The following AGBL4 variants were observed in gnomAD, a reference collection of about 807,000 sequenced individuals.
AGBL4 encodes the protein AGBL carboxypeptidase 4.
A neutral mutation model predicts 66.4 loss-of-function variants in AGBL4; 58 were observed. The ratio of observed to expected loss-of-function variants is 0.87; its 90% confidence interval spans 0.71 to 1.09. AGBL4 has a LOEUF of 1.09. Among genes scored for constraint, AGBL4 ranks in the 50% least tolerant of loss-of-function variants. The pLI, the probability that AGBL4 is intolerant of heterozygous loss-of-function variation, is 0.00. For synonymous variants in AGBL4, 234 were observed against 222.9 expected (o/e 1.05, Z -0.44); for missense variants, 579 against 631.0 (o/e 0.92, Z 0.88).
At chr1:48,698,653 A>G (rs1646752547) in intron 6 of AGBL4, among the ~76,000 whole-genome samples, 1 of 152,216 alleles carries the variant, frequency 6.6e-6, no homozygotes, top group Non-Finnish European at 1.5e-5. Flanking sequence ...AGGCTCATAC[A>G]GGAGACAAAC....
At chr1:48,854,029 A>T (rs1647090975) in intron 6 of AGBL4, among the ~76,000 whole-genome samples, 1 of 152,186 alleles carries the variant, frequency 6.6e-6, no homozygotes, top group Admixed American at 6.5e-5. Flanking sequence ...CATTACATTT[A>T]CATGTTAATA....
intron 3 of AGBL4, among the ~76,000 whole-genome samples, chr1:49,402,911 T>A (rs1645117879): frequency 6.6e-6 from 1 of 152,210 alleles, no homozygotes; most frequent in African/African-American, 2.4e-5. Context: ...AGCTAACATA[T>A]GGTCTATCCT....
At chr1:48,636,143 A>C (rs1645664399) in intron 8 of AGBL4, among the ~76,000 whole-genome samples, 1 of 152,210 alleles carries the variant, frequency 6.6e-6, no homozygotes, top group African/African-American at 2.4e-5. Context: ...AACAGTTCCC[A>C]GAAGTAGAAT....
At chr1:49,156,500 T>C (rs1646433059) in intron 4 of AGBL4, among the ~76,000 whole-genome samples, 1 of 152,170 alleles carries the variant, frequency 6.6e-6, no homozygotes, top group Admixed American at 6.5e-5. Flanking sequence ...CATGAGGTTT[T>C]CATCAAGCTG....
chr1:48,868,491 C>T (rs1648331096), intron 5 of AGBL4, among the ~76,000 whole-genome samples: 1 of 152,146 alleles, frequency 6.6e-6, no homozygotes, highest in Non-Finnish European at 1.5e-5. Context: ...AAGACATCTT[C>T]ATTAAATGGC....
At chr1:48,676,766 T>G (rs534680801) in intron 6 of AGBL4, among the ~76,000 whole-genome samples, 1 of 152,280 alleles carries the variant, frequency 6.6e-6, no homozygotes, top group East Asian at 1.9e-4. Context: ...TATTTTCTGT[T>G]TCTTAACCCT....
At chr1:49,379,714 T>A (rs1253209934) in intron 3 of AGBL4, among the ~76,000 whole-genome samples, 1 of 152,170 alleles carries the variant, frequency 6.6e-6, no homozygotes, top group Admixed American at 6.6e-5. Context: ...CAGCCTTGCA[T>A]CCCAGGGATG....
intron 3 of AGBL4, among the ~76,000 whole-genome samples, chr1:49,323,980 T>C (rs1645178882): frequency 6.6e-6 from 1 of 152,200 alleles, no homozygotes; most frequent in Admixed American, 6.5e-5. Context: ...TAGTCAAAAC[T>C]GTAATTAATT....
intron 1 of AGBL4, among the ~76,000 whole-genome samples, chr1:49,998,028 T>C (rs1660489242): frequency 6.6e-6 from 1 of 151,624 alleles, no homozygotes; most frequent in Non-Finnish European, 1.5e-5. Context: ...TAAGGTCACA[T>C]CTCACAGAAC....
chr1:49,665,618 G>A (rs1405851032), intron 3 of AGBL4, among the ~76,000 whole-genome samples: 1 of 152,008 alleles, frequency 6.6e-6, no homozygotes, highest in Non-Finnish European at 1.5e-5. Context: ...TCTAAAAAGA[G>A]ACCAAGAAAA....
At chr1:48,538,964 TC>T (rs1644017144) in intron 12 of AGBL4, among the ~76,000 whole-genome samples, 2 of 152,176 alleles carry the variant, frequency 1.3e-5, no homozygotes, top group Middle Eastern at 3.2e-3. Flanking sequence ...CCATGTGATG[TC>T]ACTGTTCTCA....
chr1:48,939,468 A>C (rs1248916952), intron 5 of AGBL4, among the ~76,000 whole-genome samples: 1 of 152,180 alleles, frequency 6.6e-6, no homozygotes, highest in East Asian at 1.9e-4. Flanking sequence ...TAACAAATTC[A>C]ATTTGTTCAA....
chr1:49,736,240 C>T, intron 2 of AGBL4, among the ~76,000 whole-genome samples: 1 of 151,984 alleles, frequency 6.6e-6, no homozygotes, highest in African/African-American at 2.4e-5. Context: ...TAATCAAACA[C>T]TTGAAAGACA....
intron 3 of AGBL4, among the ~76,000 whole-genome samples, chr1:49,383,322 A>G (rs982080470): frequency 2.6e-5 from 4 of 152,202 alleles, no homozygotes; most frequent in Non-Finnish European, 5.9e-5. Flanking sequence ...ATAATATCTC[A>G]TAAGACTGAA....
At chr1:48,825,684 C>G (rs1254919336) in intron 6 of AGBL4, among the ~76,000 whole-genome samples, 1 of 152,110 alleles carries the variant, frequency 6.6e-6, no homozygotes, top group African/African-American at 2.4e-5. Context: ...GGGCATTTTC[C>G]TCAGAAGAAA....
At chr1:49,013,076 C>T (rs1239361973) in intron 5 of AGBL4, among the ~76,000 whole-genome samples, 3 of 152,162 alleles carry the variant, frequency 2.0e-5, no homozygotes, top group Non-Finnish European at 4.4e-5. Context: ...GGTGCCATGC[C>T]CCTGGGCTTC....
At chr1:49,739,084 G>T (rs1225277512) in intron 2 of AGBL4, among the ~76,000 whole-genome samples, 1 of 152,138 alleles carries the variant, frequency 6.6e-6, no homozygotes, top group Admixed American at 6.5e-5. Context: ...AGAGAAGAAG[G>T]CTTCAGACGA....
At chr1:49,979,018 A>G (rs1658825394) in intron 1 of AGBL4, among the ~76,000 whole-genome samples, 1 of 152,226 alleles carries the variant, frequency 6.6e-6, no homozygotes, top group Non-Finnish European at 1.5e-5. Flanking sequence ...AAAAACCTAT[A>G]GATGAACAAT....
chr1:48,665,998 C>T (rs760195675), intron 6 of AGBL4, among the ~76,000 whole-genome samples: 13 of 152,140 alleles, frequency 8.5e-5, no homozygotes, highest in Non-Finnish European at 1.5e-4. Context: ...TGAGCCCTTG[C>T]GTCTTCATAA....
Sources: gnomAD v4.1 joint callset for allele counts (sites outside exome capture counted in the v4.1 genomes callset) on GRCh38, gnomAD v4.1.1 for gene constraint, MANE v1.5 for transcripts, NCBI Gene and HGNC (gene_info 2026-07-23, HGNC 2026-07-21) for gene names.